The following ATG7 variants were observed in gnomAD, a reference collection of about 807,000 sequenced individuals.
ATG7 encodes autophagy related 7.
In ATG7, 70 loss-of-function variants were observed where a neutral mutation model predicts 82.4. The observed-to-expected ratio is 0.85, with a 90% CI of 0.70 to 1.04. ATG7 has a LOEUF of 1.04. Among genes scored for constraint, ATG7 ranks in the 50% least tolerant of loss-of-function variants. The pLI is 0.00. For synonymous variants in ATG7, 287 were observed against 313.0 expected (o/e 0.92, Z 0.88); for missense variants, 792 against 864.3 (o/e 0.92, Z 1.05).
chr3:11,385,091 G>T (rs144702814), intron 19 of ATG7, among the ~76,000 whole-genome samples: 1 of 152,198 alleles, frequency 6.6e-6, no homozygotes, highest in East Asian at 1.9e-4. Flanking sequence ...GTGCAGTGGC[G>T]TGATCTCAGC....
chr3:11,397,504 C>G (rs2079411487), intron 19 of ATG7, among the ~76,000 whole-genome samples: 1 of 152,036 alleles, frequency 6.6e-6, no homozygotes, highest in African/African-American at 2.4e-5. Flanking sequence ...GTCACCCAGG[C>G]TGGAGTGCAG....
At chr3:11,495,267 G>C (rs1309311818) in intron 20 of ATG7, among the ~76,000 whole-genome samples, 1 of 152,210 alleles carries the variant, frequency 6.6e-6, no homozygotes, top group East Asian at 1.9e-4. Flanking sequence ...AGGATCATGG[G>C]ATGAATGATG....
chr3:11,363,531 C>T (rs548882685), intron 17 of ATG7, among the ~76,000 whole-genome samples: 18 of 152,206 alleles, frequency 1.2e-4, no homozygotes, highest in Non-Finnish European at 1.6e-4. Context: ...GGATTACAGG[C>T]GTGAGCCATT....
intron 19 of ATG7, among the ~76,000 whole-genome samples, chr3:11,413,336 C>G (rs957527693): frequency 6.6e-6 from 1 of 151,894 alleles, no homozygotes; most frequent in Non-Finnish European, 1.5e-5. Flanking sequence ...GAGGCAGTTT[C>G]CTTCTATTCC....
intron 3 of ATG7, among the ~76,000 whole-genome samples, chr3:11,283,158 G>A (rs1002031262): frequency 2.0e-5 from 3 of 152,190 alleles, no homozygotes; most frequent in African/African-American, 4.8e-5. Context: ...TGGACTTCTC[G>A]ATGACCTGTA....
chr3:11,565,758 A>G, the ATG7 span, among the ~76,000 whole-genome samples: 1 of 152,182 alleles, frequency 6.6e-6, no homozygotes, highest in Non-Finnish European at 1.5e-5. The surrounding 1 kb of genome is among the most constrained non-coding windows in gnomAD (Gnocchi z 4.1). Context: ...AATCCAGGTG[A>G]GACAGTCAGC....
rs1488154225 is a variant in ATG7 at position 11,383,411 on chromosome 3, A to G, written c.1956+3359A>G. ...ACCAAAGAAGTGATGCTGTCTCCTC[A>G]TGTCAGGAGTTATATAATATATTAT... On this transcript the variant is annotated intron_variant, in intron 19 of 20. Coordinates refer to ENST00000693202, the MANE Select transcript of ATG7 (RefSeq NM_001349232.2). Among the ~76,000 whole-genome samples the G allele has an allele frequency of 3.3e-5, 5 of 152,264 alleles. No individual in the cohort carries two copies. In the East Asian group the frequency reaches 9.6e-4, roughly 29 times the overall value.
intron 20 of ATG7, among the ~76,000 whole-genome samples, chr3:11,433,376 C>A (rs1197467669): frequency 6.6e-6 from 1 of 150,742 alleles, no homozygotes; most frequent in Non-Finnish European, 1.5e-5. Context: ...TAGCCATGTT[C>A]CACAAAAATT....
chr3:11,506,097 G>C (rs1007434091), intron 20 of ATG7, among the ~76,000 whole-genome samples: 1 of 152,086 alleles, frequency 6.6e-6, no homozygotes, highest in Non-Finnish European at 1.5e-5. Context: ...TATTTTTTGA[G>C]TTGGTCTCTC....
At chr3:11,350,407 T>C (rs1339011995) in intron 14 of ATG7, among the ~76,000 whole-genome samples, 3 of 152,202 alleles carry the variant, frequency 2.0e-5, no homozygotes, top group African/African-American at 7.2e-5. Flanking sequence ...TGTTCATGGG[T>C]GTGCAGGTTG....
At position 11,551,188 on chromosome 3, in the gene ATG7, C is replaced by T. The variant is rs748559249; in HGVS notation, c.2080-3623C>T. On this transcript the variant is annotated intron_variant, in intron 20 of 20. Coordinates refer to ENST00000693202, the MANE Select transcript of ATG7 (RefSeq NM_001349232.2). ...TGTCCTGCGGGCCGTCTGAGTGTTC[C>T]GTGCTGACGCACCCTCTCCTCCTCG... 3.3e-5 allele frequency among the ~76,000 whole-genome samples: 5 copies of T among 152,326 alleles called. 1 individual carries two copies. The Middle Eastern group carries it at 0.01, about 311-fold the overall frequency.
chr3:11,396,558 C>T (rs1426753262), intron 19 of ATG7, among the ~76,000 whole-genome samples: 5 of 151,996 alleles, frequency 3.3e-5, no homozygotes, highest in Non-Finnish European at 7.4e-5. Context: ...GGGCGGATCA[C>T]TCGAAGTCAG....
intron 20 of ATG7, among the ~76,000 whole-genome samples, chr3:11,482,870 G>A (rs935251120): frequency 2.0e-5 from 3 of 148,456 alleles, no homozygotes; most frequent in Admixed American, 1.3e-4. Context: ...CTGAATTTTT[G>A]TTATCTATAT....
At chr3:11,533,095 A>C (rs964710007) in intron 20 of ATG7, among the ~76,000 whole-genome samples, 3 of 152,228 alleles carry the variant, frequency 2.0e-5, no homozygotes, top group African/African-American at 7.2e-5. Flanking sequence ...GCTGGTGCGC[A>C]GAGCAGACAG....
At chr3:11,442,966 A>G (rs2084146572) in intron 20 of ATG7, among the ~76,000 whole-genome samples, 1 of 152,142 alleles carries the variant, frequency 6.6e-6, no homozygotes. Flanking sequence ...GATTTTAGTC[A>G]GGGTGTAAGA....
At position 11,397,365 on chromosome 3, in the gene ATG7, G is replaced by C. The variant is rs554787170; in HGVS notation, c.1956+17313G>C. 8.3e-5 allele frequency among the ~76,000 whole-genome samples: 7 copies of C among 84,804 alleles called. No individual in the cohort carries two copies. In the East Asian group the frequency reaches 1.7e-3, roughly 21 times the overall value. The allele number at this position is 84,804 out of a possible 152,430, so 55.6% of individuals were successfully genotyped here. A position where few individuals can be genotyped will look rare whatever the true frequency, so the allele number is the denominator to read the frequency against. On this transcript the variant is annotated intron_variant, in intron 19 of 20. Transcript: ENST00000693202. ...GTAATACAATTACTTTATAATAATT[G>C]GTTTTAATTCACCAGGTAGAATTTC...
intron 19 of ATG7, among the ~76,000 whole-genome samples, chr3:11,410,572 C>G (rs1390540011): frequency 6.6e-6 from 1 of 152,142 alleles, no homozygotes; most frequent in Non-Finnish European, 1.5e-5. Context: ...AACTCTATAA[C>G]CATCAAACAA....
At chr3:11,532,920 C>G (rs948069967) in intron 20 of ATG7, among the ~76,000 whole-genome samples, 1 of 152,226 alleles carries the variant, frequency 6.6e-6, no homozygotes. Context: ...GTCTTGTTAT[C>G]TTTGCACCAC....
chr3:11,519,782 C>A (rs538446597), intron 20 of ATG7, among the ~76,000 whole-genome samples: 2 of 151,820 alleles, frequency 1.3e-5, no homozygotes, highest in Non-Finnish European at 2.9e-5. Flanking sequence ...AGGATAATCT[C>A]GATCTCCTGA....
Sources: allele counts gnomAD v4.1 joint callset (sites outside exome capture counted in the v4.1 genomes callset), GRCh38; gene constraint gnomAD v4.1.1; non-coding constraint Gnocchi (gnomAD v3.1); transcripts MANE v1.5; gene names NCBI Gene and HGNC (gene_info 2026-07-23, HGNC 2026-07-21).